The following FSIP2 variants were observed in gnomAD, a reference collection of about 807,000 sequenced individuals.
FSIP2 encodes the protein fibrous sheath-interacting protein 2.
Under a neutral mutation model 510.5 loss-of-function variants are expected in FSIP2, and 367 were observed. The ratio of observed to expected loss-of-function variants is 0.72; its 90% CI spans 0.66 to 0.78. The LOEUF is 0.78. FSIP2 is among the 30% of genes least tolerant of loss of function. The probability of loss-of-function intolerance (pLI) is 0.00; values close to 1 mark genes in which losing one functional copy is unlikely to be tolerated. For synonymous variants in FSIP2, 2,601 were observed against 2,732.2 expected (o/e 0.95, Z 1.50); for missense variants, 7,594 against 7,901.7 (o/e 0.96, Z 1.48).
chr2:185,792,129 T>C lies in FSIP2; in HGVS notation c.4993T>C (p.Leu1665=), dbSNP rs1693146603. The C allele has an allele frequency of 6.5e-7, 1 of 1,533,876 alleles. No individual in the cohort carries two copies. The highest frequency in any genetic ancestry group is 1.4e-5 in the African/African-American group (1 of 73,002). The stretch of plus-strand genomic sequence containing the variant: ...AGAATTAAATGTGACCTCATCAGAT[T>C]TGAAGACAAGTGTAGAAAACCCACC... ...QTELNVTSSD[L]KTSVENPPPE... The change falls in exon 16 of 23, where the codon TTG becomes CTG. Residue 1665 remains leucine, a synonymous_variant. Coordinates refer to ENST00000424728, the MANE Select transcript of FSIP2 (RefSeq NM_173651.4).
At chr2:185,764,606 A>G (rs1448141114) in intron 13 of FSIP2, 41 bp downstream of exon 13, 44 of 1,307,130 alleles carry the variant, frequency 3.4e-5, no homozygotes, top group Non-Finnish European at 4.3e-5. Context: ...CTTGCATTCT[A>G]TTTATTCTTT....
At chr2:185,746,888 A>G (rs190372475) in intron 6 of FSIP2, 78 bp downstream of exon 6, 7 of 1,026,002 alleles carry the variant, frequency 6.8e-6, no homozygotes, top group Non-Finnish European at 9.5e-6. Flanking sequence ...TTAACTGTAC[A>G]TTGTGCTGCT....
chr2:185,818,375 C>T (rs944678579), intron 19 of FSIP2, among the ~76,000 whole-genome samples: 10 of 151,492 alleles, frequency 6.6e-5, no homozygotes, highest in Non-Finnish European at 1.5e-4. Flanking sequence ...ATGTAAATTC[C>T]AGAAGAAGAA....
intron 19 of FSIP2, among the ~76,000 whole-genome samples, chr2:185,821,196 C>A (rs903138358): frequency 2.6e-5 from 4 of 151,670 alleles, no homozygotes; most frequent in Non-Finnish European, 5.9e-5. Context: ...ATTGGATAAT[C>A]TAGATGAAAT....
intron 13 of FSIP2, among the ~76,000 whole-genome samples, chr2:185,774,478 G>T (rs1692675919): frequency 6.7e-6 from 1 of 150,152 alleles, no homozygotes; most frequent in Non-Finnish European, 1.5e-5. Flanking sequence ...TTTTCCATAA[G>T]TAAAAAGATT....
rs1693647842 is a variant in FSIP2, at chr2:185,808,566, G to A, written c.19260G>A (p.Gln6420=). The stretch of plus-strand genomic sequence containing the variant: ...CAGAAAATACAGAAAGGATTTATCA[G>A]GTTGTCGATTCCGTTTATAGTAACA... ...LNPENTERIY[Q]VVDSVYSNIL... is the part of the protein sequence containing the mutation. Residue 6420 remains glutamine (Q), a synonymous_variant, in exon 17 of 23, where the codon CAG becomes CAA. Transcript: ENST00000424728. 5 of 1,612,440 alleles carry A rather than the reference G, an allele frequency of 3.1e-6. No homozygotes were observed. The highest frequency in any genetic ancestry group is 4.2e-6 in the Non-Finnish European group (5 of 1,179,246).
chr2:185,767,775 G>T (rs1692522402), intron 13 of FSIP2, among the ~76,000 whole-genome samples: 1 of 151,994 alleles, frequency 6.6e-6, no homozygotes, highest in Admixed American at 6.6e-5. Flanking sequence ...ATGTACATTT[G>T]TTTCTATATA....
intron 13 of FSIP2, chr2:185,765,055 A>T (rs574814652): frequency 1.3e-5 from 2 of 152,216 alleles, no homozygotes; most frequent in South Asian, 4.1e-4. Flanking sequence ...TGGATAATTT[A>T]AAACTGTATA....
rs1440111275 is a variant in FSIP2, at chr2:185,799,914, C to A, written c.10608C>A (p.Ser3536Arg). 1 of 1,533,810 alleles carries A rather than the reference C, an allele frequency of 6.5e-7. No individual in the cohort carries two copies. Among genetic ancestry groups the A allele is most frequent in the Admixed American group, 2.0e-5 (1 of 50,846 alleles). Residue 3536 changes from serine to arginine, a missense_variant, in exon 17 of 23, where the codon AGC becomes AGA. Physicochemically the swap from Ser to Arg is moderately radical, Grantham distance 110. Coordinates refer to ENST00000424728, the MANE Select transcript of FSIP2 (RefSeq NM_173651.4). ...GGGAAATTCAAGAAGCAACATTTAG[C>A]AAGATTATTTCAATTCATTCTCAAG... is the stretch of plus-strand genomic sequence containing the variant. ...KAWEIQEATF[S>R]KIISIHSQVF...
At position 185,792,917 on chromosome 2, in the gene FSIP2, T is replaced by C; in HGVS notation, c.5781T>C (p.Asn1927=). The C allele has an allele frequency of 6.5e-7, 1 of 1,534,020 alleles. No individual in the cohort carries two copies. The highest frequency in any genetic ancestry group is 8.7e-7 in the Non-Finnish European group (1 of 1,145,508). The change falls in exon 16 of 23, where the codon AAT becomes AAC. Residue 1927 remains asparagine, a synonymous_variant. Coordinates refer to ENST00000424728, the MANE Select transcript of FSIP2 (RefSeq NM_173651.4). Reference sequence around the variant, plus strand: ...ATATTGTACAGGCAATATTAACAAATTTAGAAACTTTTGCTACTTCCAAAG... The same window carrying C: ...ATATTGTACAGGCAATATTAACAAACTTAGAAACTTTTGCTACTTCCAAAG... ...AEDIVQAILT[N]LETFATSKVK...
At position 185,764,497 on chromosome 2, in the gene FSIP2, T is replaced by C. The variant is rs1228995361; in HGVS notation, c.1348-5T>C. On this transcript the variant is annotated splice_polypyrimidine_tract_variant and splice_region_variant and intron_variant, in intron 12 of 22. Transcript: ENST00000424728. ...CTATTTGTTTTGCTGTTGTGAATTA[T>C]GTAGAAGGAGACAAATGCTGATTGG... 14 of 1,526,208 alleles carry C rather than the reference T, an allele frequency of 9.2e-6. No homozygotes were observed. The highest frequency in any genetic ancestry group is 1.1e-5 in the Non-Finnish European group (13 of 1,139,794). The allele number at this position is 1,526,208 out of a possible 1,614,324, so 94.5% of individuals were successfully genotyped here.
Position 185,813,642 on chromosome 2 carries a change from G to C in FSIP2, c.19925G>C (p.Arg6642Pro), listed in dbSNP as rs773551789. Residue 6642 changes from arginine (R) to proline (P), a missense_variant, in exon 18 of 23, where the codon CGA (arginine) becomes CCA (proline). Coordinates refer to ENST00000424728, the MANE Select transcript of FSIP2 (RefSeq NM_173651.4). ...CAAAGTAAAAATGATCTTATTGTTC[G>C]ATTAGTAGCTCATGATATTGATCAA... Reference protein sequence around the residue: ...DVQSKNDLIVRLVAHDIDQVY... With the variant: ...DVQSKNDLIVPLVAHDIDQVY... 4.4e-6 allele frequency: 7 copies of C among 1,599,266 alleles called. No individual in the cohort carries two copies. The East Asian group carries it at 1.6e-4, about 36-fold the overall frequency.
chr2:185,794,155 C>T lies in FSIP2; in HGVS notation c.7019C>T (p.Thr2340Ile), dbSNP rs1025129050. The T allele has an allele frequency of 2.6e-6, 4 of 1,533,670 alleles. No individual in the cohort carries two copies. In the African/African-American group the frequency reaches 4.1e-5, roughly 16 times the overall value. Residue 2340 changes from threonine (T) to isoleucine (I), a missense_variant, in exon 16 of 23, where the codon ACA becomes ATA. Physicochemically the swap from Thr to Ile is moderately conservative, Grantham distance 89. Transcript: ENST00000424728. ...GGTCGCAGAGAAAAACTTGGATCCACAATTCACCTATCGCAAGCTAGGCTT... is the reference window on the plus strand; with the variant it reads ...GGTCGCAGAGAAAAACTTGGATCCATAATTCACCTATCGCAAGCTAGGCTT... ...FVGRREKLGS[T>I]IHLSQARLKT...
chr2:185,813,409 T>C lies in FSIP2; in HGVS notation c.19828-136T>C, dbSNP rs1181447217. On this transcript the variant is annotated intron_variant, in intron 17 of 22. Coordinates refer to ENST00000424728, the MANE Select transcript of FSIP2 (RefSeq NM_173651.4). ...TTATTTCTTTTAAAAATATTGCTAATATATAATTAAGTGATATTTGAAGAT... is the reference window on the plus strand; with the variant it reads ...TTATTTCTTTTAAAAATATTGCTAACATATAATTAAGTGATATTTGAAGAT... 6.3e-6 allele frequency: 3 copies of C among 473,616 alleles called. No individual in the cohort carries two copies. The East Asian group carries it at 1.1e-4, about 17-fold the overall frequency. 29.3% of individuals were successfully genotyped at this position (473,616 alleles called of 1,614,324 possible). A position where few individuals can be genotyped will look rare whatever the true frequency, so the allele number is the denominator to read the frequency against.
intron 20 of FSIP2, among the ~76,000 whole-genome samples, chr2:185,827,659 T>C (rs1694036591): frequency 6.6e-6 from 1 of 151,882 alleles, no homozygotes; most frequent in Non-Finnish European, 1.5e-5. Context: ...CCAAATATCC[T>C]CTGAGCATTG....
At chr2:185,821,622 C>T (rs886498264) in intron 19 of FSIP2, among the ~76,000 whole-genome samples, 1 of 151,618 alleles carries the variant, frequency 6.6e-6, no homozygotes, top group Non-Finnish European at 1.5e-5. Flanking sequence ...CAAGTTTCAA[C>T]ATACAAAAAT....
At chr2:185,776,082 CAAAATGG>C (rs1692711058) in intron 13 of FSIP2, among the ~76,000 whole-genome samples, 1 of 152,206 alleles carries the variant, frequency 6.6e-6, no homozygotes, top group South Asian at 2.1e-4. Flanking sequence ...CCAGACTGGG[CAAAATGG>C]TGATACACTG....
chr2:185,794,682 T>G lies in FSIP2; in HGVS notation c.7546T>G (p.Ser2516Ala), dbSNP rs955114030. 6.5e-7 allele frequency: 1 copy of G among 1,533,846 alleles called. No homozygotes were observed. Residue 2516 changes from serine to alanine, a missense_variant, in exon 16 of 23, where the codon TCT becomes GCT. Ser to Ala is a moderately conservative substitution (Grantham distance 99, BLOSUM62 1). Coordinates refer to ENST00000424728, the MANE Select transcript of FSIP2 (RefSeq NM_173651.4). ...PPLNETANFISNSKIKTSDTT... is the reference protein window; with the variant it reads ...PPLNETANFIANSKIKTSDTT... The stretch of plus-strand genomic sequence containing the variant: ...ACTTAATGAAACTGCCAACTTTATA[T>G]CTAATTCTAAGATTAAAACATCAGA...
intron 2 of FSIP2, among the ~76,000 whole-genome samples, chr2:185,742,898 G>A (rs1691951470): frequency 6.6e-6 from 1 of 152,122 alleles, no homozygotes; most frequent in South Asian, 2.1e-4. Context: ...GGCTGAAGAG[G>A]ATTAGAGGAG....
Sources: gnomAD v4.1 joint callset for allele counts (sites outside exome capture counted in the v4.1 genomes callset) on GRCh38, gnomAD v4.1.1 for gene constraint, MANE v1.5 for transcripts, NCBI Gene and HGNC (gene_info 2026-07-23, HGNC 2026-07-21) for gene names.